Variants in BTNL8 observed in about 807,000 individuals in gnomAD.
BTNL8 encodes the protein butyrophilin-like protein 8.
BTNL8 carries 22 observed loss-of-function variants against 36.1 expected under a neutral mutation model. That is an observed-to-expected ratio of 0.61 (90% CI 0.44 to 0.87). BTNL8 has a LOEUF of 0.87. BTNL8 is among the 40% of genes least tolerant of loss of function. The pLI is 0.00. For missense variants in BTNL8, 526 were observed against 616.9 expected, an observed-to-expected ratio of 0.85 and a Z score of 1.56; for synonymous variants, 203 against 235.6, an observed-to-expected ratio of 0.86 and a Z score of 1.27.
At chr5:180,900,064 T>C (rs2113755755) in intron 1 of BTNL8, among the ~76,000 whole-genome samples, 1 of 152,286 alleles carries the variant, frequency 6.6e-6, no homozygotes, top group East Asian at 1.9e-4. Flanking sequence ...TTTTGCTAAA[T>C]GAAGCTAAGA....
chr5:180,947,275 T>C (rs1215894468), intron 3 of BTNL8, among the ~76,000 whole-genome samples: 1 of 152,112 alleles, frequency 6.6e-6, no homozygotes, highest in Non-Finnish European at 1.5e-5. Context: ...CACGTATCAG[T>C]GTGTAAAGGA....
intron 3 of BTNL8, among the ~76,000 whole-genome samples, chr5:180,932,592 G>T (rs1001385269): frequency 6.6e-6 from 1 of 151,888 alleles, no homozygotes; most frequent in African/African-American, 2.4e-5. Flanking sequence ...CTCGTGATCC[G>T]CCCGCCTCGG....
chr5:180,900,771 G>C (rs1756791212), intron 1 of BTNL8, among the ~76,000 whole-genome samples: 1 of 152,212 alleles, frequency 6.6e-6, no homozygotes, highest in Non-Finnish European at 1.5e-5. Flanking sequence ...GCGCTAATGA[G>C]CGTTGCTGCG....
chr5:180,904,882 G>A (rs1486686714), intron 1 of BTNL8, among the ~76,000 whole-genome samples: 1 of 152,048 alleles, frequency 6.6e-6, no homozygotes, highest in Non-Finnish European at 1.5e-5. Flanking sequence ...AAGCCCACTT[G>A]ACCATGGTGG....
intron 3 of BTNL8, among the ~76,000 whole-genome samples, chr5:180,933,719 C>T (rs1006753438): frequency 6.6e-6 from 1 of 152,010 alleles, no homozygotes; most frequent in African/African-American, 2.4e-5. Context: ...TAATGTTACA[C>T]ATCAAGGAAC....
intron 1 of BTNL8, among the ~76,000 whole-genome samples, chr5:180,906,256 G>A (rs1757078685): frequency 6.7e-6 from 1 of 148,768 alleles, no homozygotes; most frequent in South Asian, 2.1e-4. Context: ...TTGTTGAATT[G>A]ATCCCTTTAC....
intron 2 of BTNL8, among the ~76,000 whole-genome samples, chr5:180,910,100 T>C (rs1434714541): frequency 6.6e-6 from 1 of 152,156 alleles, no homozygotes; most frequent in African/African-American, 2.4e-5. Flanking sequence ...TCCTGGTCTT[T>C]ACATATTTGC....
chr5:180,930,622 C>G (rs1394882872), intron 3 of BTNL8, among the ~76,000 whole-genome samples: 1 of 152,116 alleles, frequency 6.6e-6, no homozygotes, highest in African/African-American at 2.4e-5. Context: ...TCTCGGGATA[C>G]AAAATCAATG....
At chr5:180,912,555 G>A (rs1181134593) in intron 3 of BTNL8, among the ~76,000 whole-genome samples, 1 of 151,996 alleles carries the variant, frequency 6.6e-6, no homozygotes, top group Non-Finnish European at 1.5e-5. Context: ...TAACTTTTCA[G>A]TCATCCCTAA....
intron 1 of BTNL8, among the ~76,000 whole-genome samples, chr5:180,903,356 CT>C (rs1282515617): frequency 9.5e-6 from 1 of 105,468 alleles, no homozygotes; most frequent in African/African-American, 5.3e-5. Context: ...CCTTTGCCCA[CT>C]TTTTGATGGG....
Position 180,934,517 on chromosome 5 carries a change from G to A in BTNL8, c.674-12995G>A, listed in dbSNP as rs550132773. 2.2e-4 allele frequency among the ~76,000 whole-genome samples: 33 copies of A among 152,346 alleles called. No individual in the cohort carries two copies. The South Asian group carries it at 3.7e-3, about 17-fold the overall frequency. On this transcript the variant is annotated intron_variant, in intron 3 of 7. Transcript: ENST00000340184. ...AGCAGTGAGGAGTGCATGAGTGAGC[G>A]AGCACAAAATCTGGCCACTGTGCAC...
At chr5:180,912,845 A>G (rs1216936395) in intron 3 of BTNL8, among the ~76,000 whole-genome samples, 1 of 152,210 alleles carries the variant, frequency 6.6e-6, no homozygotes, top group African/African-American at 2.4e-5. Flanking sequence ...AGTGAATAAG[A>G]TGAGATTGGC....
intron 1 of BTNL8, among the ~76,000 whole-genome samples, chr5:180,905,281 C>A (rs1404488233): frequency 6.6e-6 from 1 of 150,586 alleles, no homozygotes; most frequent in Non-Finnish European, 1.5e-5. Flanking sequence ...AGGAATTTAT[C>A]CATTTCTTCT....
chr5:180,936,168 G>A (rs1035685124), intron 3 of BTNL8, among the ~76,000 whole-genome samples: 14 of 151,896 alleles, frequency 9.2e-5, no homozygotes, highest in African/African-American at 1.5e-4. Context: ...CTTGTCCTCC[G>A]AAAGTGCTGG....
Position 180,935,577 on chromosome 5 carries a change from T to G in BTNL8, c.674-11935T>G, listed in dbSNP as rs1345932565. 6.6e-6 allele frequency among the ~76,000 whole-genome samples: 1 copy of G among 152,202 alleles called. No individual in the cohort carries two copies. Among genetic ancestry groups the G allele is most frequent in the Non-Finnish European group, 1.5e-5 (1 of 68,020 alleles). ...AGGGTAGGAAGCAGAAGCAGGCACTTCTGAGCCTGCAGGGGCAGAGAGGGT... is the reference window on the plus strand; with the variant it reads ...AGGGTAGGAAGCAGAAGCAGGCACTGCTGAGCCTGCAGGGGCAGAGAGGGT... On this transcript the variant is annotated intron_variant, in intron 3 of 7. Transcript: ENST00000340184. This position sits in a 1 kb window ranked among gnomAD's most constrained non-coding sequence, Gnocchi z 4.8.
rs1758590184 is a variant in BTNL8 at position 180,935,243 on chromosome 5, C to T, written c.674-12269C>T. 6.6e-6 allele frequency among the ~76,000 whole-genome samples: 1 copy of T among 152,166 alleles called. No individual in the cohort carries two copies. The highest frequency in any genetic ancestry group is 2.4e-5 in the African/African-American group (1 of 41,440). On this transcript the variant is annotated intron_variant, in intron 3 of 7. Transcript: ENST00000340184. The surrounding 1 kb of genome is among the most constrained non-coding windows in gnomAD (Gnocchi z 4.8). ...CCCAGCCCCCAGGCTTCAGGTCATCCCTGGCTTGAAGGTAGTTAGGGACCT... is the reference window on the plus strand; with the variant it reads ...CCCAGCCCCCAGGCTTCAGGTCATCTCTGGCTTGAAGGTAGTTAGGGACCT...
At chr5:180,926,274 A>T (rs1173333956) in intron 3 of BTNL8, among the ~76,000 whole-genome samples, 1 of 152,204 alleles carries the variant, frequency 6.6e-6, no homozygotes, top group African/African-American at 2.4e-5. Context: ...CTGTGCCATG[A>T]GGAATGGTGC....
intron 3 of BTNL8, among the ~76,000 whole-genome samples, chr5:180,947,191 A>T (rs1759299850): frequency 6.6e-6 from 1 of 152,240 alleles, no homozygotes; most frequent in African/African-American, 2.4e-5. Flanking sequence ...CAAGTAGACA[A>T]ATGACACAGA....
At chr5:180,944,423 T>A (rs919146814) in intron 3 of BTNL8, among the ~76,000 whole-genome samples, 1 of 152,132 alleles carries the variant, frequency 6.6e-6, no homozygotes, top group Non-Finnish European at 1.5e-5. Flanking sequence ...TTGTACCACA[T>A]AAATATGTAC....
Sources: allele counts gnomAD v4.1 joint callset (sites outside exome capture counted in the v4.1 genomes callset), GRCh38; gene constraint gnomAD v4.1.1; non-coding constraint Gnocchi (gnomAD v3.1); transcripts MANE v1.5; gene names NCBI Gene and HGNC (gene_info 2026-07-23, HGNC 2026-07-21).